The following DGKI variants were observed in gnomAD, a reference collection of about 807,000 sequenced individuals.
DGKI encodes the protein DAG kinase iota.
Under a neutral mutation model 147.5 loss-of-function variants are expected in DGKI, and 55 were observed. The ratio of observed to expected loss-of-function variants is 0.37; its 90% confidence interval spans 0.30 to 0.47. The LOEUF is 0.47. Among genes scored for constraint, DGKI ranks in the 20% least tolerant of loss-of-function variants. The pLI is 1.00. For missense variants in DGKI, 1,007 were observed against 1,323.8 expected (o/e 0.76, Z 3.71); for synonymous variants, 469 against 477.1 (o/e 0.98, Z 0.22).
intron 1 of DGKI, among the ~76,000 whole-genome samples, chr7:137,839,780 C>T (rs535120248): frequency 1.5e-4 from 23 of 152,264 alleles, no homozygotes; most frequent in African/African-American, 5.5e-4. Context: ...AATATTACAG[C>T]TTAAACCAGA....
chr7:137,579,424 G>C (rs1401030052), intron 15 of DGKI, among the ~76,000 whole-genome samples: 2 of 103,984 alleles, frequency 1.9e-5, no homozygotes, highest in Non-Finnish European at 3.7e-5. Flanking sequence ...AAATACAAAT[G>C]AACAGAAACA....
chr7:137,534,277 A>T (rs1376793715), intron 20 of DGKI, among the ~76,000 whole-genome samples: 1 of 152,100 alleles, frequency 6.6e-6, no homozygotes, highest in Non-Finnish European at 1.5e-5. Context: ...TCCTTCCTGA[A>T]TGCAGTAAAT....
intron 32 of DGKI, among the ~76,000 whole-genome samples, chr7:137,392,929 T>C (rs1585070321): frequency 6.6e-6 from 1 of 152,188 alleles, no homozygotes. Flanking sequence ...TGGCAAAATT[T>C]AAAAATCCTT....
At chr7:137,711,684 C>CTT (rs71177918) in intron 1 of DGKI, among the ~76,000 whole-genome samples, 4,911 of 79,714 alleles carry the variant, frequency 0.062, 558 homozygotes, top group East Asian at 0.26. Flanking sequence ...GGGATACCAA[C>CTT]TTTTTTTTTT....
chr7:137,757,521 G>T (rs1365838944), intron 1 of DGKI, among the ~76,000 whole-genome samples: 2 of 152,126 alleles, frequency 1.3e-5, no homozygotes, highest in African/African-American at 4.8e-5. Context: ...GTCCCATACG[G>T]TAAGGAGTCC....
At chr7:137,497,947 T>A (rs1816028297) in intron 21 of DGKI, among the ~76,000 whole-genome samples, 1 of 152,074 alleles carries the variant, frequency 6.6e-6, no homozygotes. Context: ...CATATACCCC[T>A]GAATCTAAAA....
intron 1 of DGKI, among the ~76,000 whole-genome samples, chr7:137,749,216 A>C (rs1166248174): frequency 6.6e-6 from 1 of 152,222 alleles, no homozygotes; most frequent in Non-Finnish European, 1.5e-5. Flanking sequence ...TTCCATGCTC[A>C]AAACCCCAAA....
chr7:137,448,515 G>A (rs1271654142), intron 27 of DGKI, among the ~76,000 whole-genome samples: 1 of 145,912 alleles, frequency 6.9e-6, no homozygotes, highest in African/African-American at 2.6e-5. Flanking sequence ...AGAGAGGGAG[G>A]GAGGGAAGGA....
chr7:137,620,707 G>C (rs1820716846), intron 7 of DGKI, among the ~76,000 whole-genome samples: 1 of 152,170 alleles, frequency 6.6e-6, no homozygotes, highest in African/African-American at 2.4e-5. Context: ...GGTCTTAACT[G>C]TATACCCCAA....
At chr7:137,606,904 C>T (rs144671167) in intron 10 of DGKI, among the ~76,000 whole-genome samples, 1 of 152,242 alleles carries the variant, frequency 6.6e-6, no homozygotes, top group East Asian at 1.9e-4. Flanking sequence ...GTGCCGTGTT[C>T]TAGAAATCAC....
chr7:137,778,751 GT>G (rs1796437440), intron 1 of DGKI, among the ~76,000 whole-genome samples: 1 of 152,168 alleles, frequency 6.6e-6, no homozygotes, highest in Non-Finnish European at 1.5e-5. Context: ...CATAGCTGGG[GT>G]TGCAGAAAGC....
chr7:137,563,231 A>G (rs574354758), intron 19 of DGKI, among the ~76,000 whole-genome samples: 1 of 152,144 alleles, frequency 6.6e-6, no homozygotes, highest in East Asian at 1.9e-4. Context: ...AGCTCTCAGG[A>G]AAGTAGGAAT....
intron 1 of DGKI, among the ~76,000 whole-genome samples, chr7:137,749,317 G>C (rs1370591041): frequency 6.6e-6 from 1 of 151,982 alleles, no homozygotes; most frequent in African/African-American, 2.4e-5. Context: ...CCTCCCTCCC[G>C]GCTCTTCTTA....
intron 1 of DGKI, among the ~76,000 whole-genome samples, chr7:137,790,454 AG>A (rs1372034933): frequency 6.6e-6 from 1 of 152,242 alleles, no homozygotes; most frequent in African/African-American, 2.4e-5. Flanking sequence ...CTGTCAAAGA[AG>A]GGTAGGTACA....
chr7:137,782,342 G>A (rs1482295818), intron 1 of DGKI, among the ~76,000 whole-genome samples: 1 of 152,066 alleles, frequency 6.6e-6, no homozygotes, highest in Non-Finnish European at 1.5e-5. Context: ...CCACATCCCT[G>A]ACAACCTGTA....
At chr7:137,777,757 G>A (rs1030371210) in intron 1 of DGKI, among the ~76,000 whole-genome samples, 1 of 152,038 alleles carries the variant, frequency 6.6e-6, no homozygotes, top group African/African-American at 2.4e-5. Flanking sequence ...ATTTTCTGAG[G>A]CTCCTGGAAA....
At chr7:137,579,093 C>A (rs1819087111) in intron 15 of DGKI, among the ~76,000 whole-genome samples, 1 of 152,122 alleles carries the variant, frequency 6.6e-6, no homozygotes, top group South Asian at 2.1e-4. Context: ...TAATTCTCAA[C>A]TTAAAAGTAT....
chr7:137,818,795 A>G (rs1436573884), intron 1 of DGKI, among the ~76,000 whole-genome samples: 4 of 152,218 alleles, frequency 2.6e-5, no homozygotes, highest in Non-Finnish European at 5.9e-5. Flanking sequence ...CTATCTATCT[A>G]TGGATCAAAA....
chr7:137,576,763 T>C (rs886680592), intron 17 of DGKI, among the ~76,000 whole-genome samples: 1 of 152,182 alleles, frequency 6.6e-6, no homozygotes, highest in Non-Finnish European at 1.5e-5. Flanking sequence ...AAAATGGAGA[T>C]TATCCTGGAA....
Sources: allele counts gnomAD v4.1 joint callset (sites outside exome capture counted in the v4.1 genomes callset), GRCh38; gene constraint gnomAD v4.1.1; transcripts MANE v1.5; gene names NCBI Gene and HGNC (gene_info 2026-07-23, HGNC 2026-07-21).